TRPM3: variants seen among roughly 807,000 people sequenced by gnomAD.
TRPM3 encodes long transient receptor potential channel 3.
In TRPM3, 77 loss-of-function variants were observed where a neutral mutation model predicts 181.2. The observed-to-expected ratio is 0.42, with a 90% CI of 0.35 to 0.51. The LOEUF is 0.51. Ranked by LOEUF, TRPM3 falls within the 20% of genes least tolerant of loss-of-function variation. The pLI, the probability that TRPM3 is intolerant of heterozygous loss-of-function variation, is 0.01. For missense variants in TRPM3, 1,759 were observed against 2,196.7 expected, an observed-to-expected ratio of 0.80 and a Z score of 3.98; for synonymous variants, 745 against 796.4, an observed-to-expected ratio of 0.94 and a Z score of 1.09.
chr9:70,549,559 T>C lies in TRPM3; in HGVS notation c.3690A>G (p.Ile1230Met). 6.2e-7 allele frequency: 1 copy of C among 1,613,658 alleles called. No individual in the cohort carries two copies. The highest frequency in any genetic ancestry group is 8.5e-7 in the Non-Finnish European group (1 of 1,179,812). The part of the protein sequence containing the change: ...DRFNSSNDER[I>M]RVTSERVENM... The stretch of plus-strand genomic sequence containing the variant: ...GAACACACCTTTCTGAAGTCACCCG[T>C]ATCCTCTCATCATTAGATGAGTTGA... The change falls in exon 25 of 26, where the codon ATA (isoleucine) becomes ATG (methionine). Residue 1230 changes from isoleucine to methionine, a missense_variant. Physicochemically the swap from Ile to Met is conservative, Grantham distance 10 (BLOSUM62 1). Transcript: ENST00000677713.
chr9:70,999,855 T>C (rs1418794096), intron 1 of TRPM3, among the ~76,000 whole-genome samples: 1 of 152,184 alleles, frequency 6.6e-6, no homozygotes, highest in East Asian at 1.9e-4. Flanking sequence ...TTCAGGAGCA[T>C]CTGAAACAAT....
At chr9:71,267,169 C>T (rs1180341098) in intron 1 of TRPM3, among the ~76,000 whole-genome samples, 1 of 152,158 alleles carries the variant, frequency 6.6e-6, no homozygotes, top group African/African-American at 2.4e-5. Flanking sequence ...TTCTCCTTTG[C>T]CTGACTGCTT....
chr9:70,797,752 G>T (rs2087580720), intron 6 of TRPM3, among the ~76,000 whole-genome samples: 1 of 152,150 alleles, frequency 6.6e-6, no homozygotes. Context: ...CTAACGGTTT[G>T]CTCAGCTCTG....
chr9:70,542,000 G>T (rs1405398364), intron 25 of TRPM3, among the ~76,000 whole-genome samples: 2 of 152,076 alleles, frequency 1.3e-5, no homozygotes. Context: ...ACATGTCTGT[G>T]GTCCCAGCTA....
chr9:71,418,290 T>A (rs942531448), intron 1 of TRPM3, among the ~76,000 whole-genome samples: 4 of 151,810 alleles, frequency 2.6e-5, no homozygotes, highest in Non-Finnish European at 5.9e-5. Context: ...TATCAGGGAC[T>A]CACAGAATCT....
At chr9:71,255,925 G>A (rs1447780462) in intron 1 of TRPM3, among the ~76,000 whole-genome samples, 1 of 152,112 alleles carries the variant, frequency 6.6e-6, no homozygotes, top group African/African-American at 2.4e-5. Context: ...TTTCAAAAAT[G>A]AATGATCTAC....
rs73467836 is a variant in TRPM3 at position 70,840,362 on chromosome 9, T to C, written c.801+2641A>G. Among the ~76,000 whole-genome samples the C allele has an allele frequency of 5.1e-3, 778 of 152,280 alleles. 9 individuals are homozygous for C. Among genetic ancestry groups the C allele is most frequent in the African/African-American group, 0.018 (733 of 41,566 alleles). On this transcript the variant is annotated intron_variant, in intron 5 of 25. Coordinates refer to ENST00000677713, the MANE Select transcript of TRPM3 (RefSeq NM_001366145.2). ...ACAACTGTCTTTCCTGTGTTCTCTA[T>C]AACCTGCCACTTTTATTTCCTTTTT...
intron 6 of TRPM3, among the ~76,000 whole-genome samples, chr9:70,792,661 C>CAGAGAGAG (rs9314786): frequency 0.015 from 2,193 of 147,130 alleles, 62 homozygotes; most frequent in African/African-American, 0.051. Context: ...GACAGAAAGA[C>CAGAGAGAG]AGAGAGAGAG....
At chr9:70,868,064 G>A (rs1019704470) in intron 1 of TRPM3, among the ~76,000 whole-genome samples, 3 of 151,996 alleles carry the variant, frequency 2.0e-5, no homozygotes, top group Admixed American at 2.0e-4. Context: ...CAGACATCAT[G>A]TCTTAAAATC....
At chr9:70,770,732 G>A (rs1564203606) in intron 7 of TRPM3, among the ~76,000 whole-genome samples, 1 of 151,988 alleles carries the variant, frequency 6.6e-6, no homozygotes, top group African/African-American at 2.4e-5. Flanking sequence ...ATGTATTTGG[G>A]AAAAAAAGAG....
At chr9:71,328,131 C>A (rs955109522) in intron 1 of TRPM3, among the ~76,000 whole-genome samples, 3 of 151,220 alleles carry the variant, frequency 2.0e-5, no homozygotes, top group African/African-American at 4.9e-5. Context: ...GGGTCTCCAA[C>A]CCCCTGTTTA....
At chr9:71,420,559 G>C (rs1386473782) in intron 1 of TRPM3, among the ~76,000 whole-genome samples, 3 of 133,752 alleles carry the variant, frequency 2.2e-5, no homozygotes, top group African/African-American at 8.2e-5. Context: ...GAAAGAAAGA[G>C]AAAGAAAAAG....
At chr9:70,834,720 G>A (rs909960293) in intron 5 of TRPM3, among the ~76,000 whole-genome samples, 10 of 152,158 alleles carry the variant, frequency 6.6e-5, no homozygotes, top group Non-Finnish European at 1.5e-5. Context: ...CATCTTGGAG[G>A]AGGATACTGC....
chr9:70,750,569 C>T lies in TRPM3; in HGVS notation c.1272+11032G>A, dbSNP rs2075961601. ...AGAGTAATGGCCCTGGTGAAGAAAA[C>T]TGAGGCTCAGAATGAGGATGATGGC... On this transcript the variant is annotated intron_variant, in intron 8 of 25. Transcript: ENST00000677713. 2.6e-5 allele frequency among the ~76,000 whole-genome samples: 4 copies of T among 152,228 alleles called. No homozygotes were observed. The South Asian group carries it at 8.3e-4, about 32-fold the overall frequency.
chr9:71,196,167 A>ATGTGTGTGTGTGTGTG (rs71507026), intron 1 of TRPM3, among the ~76,000 whole-genome samples: 1 of 149,454 alleles, frequency 6.7e-6, no homozygotes, highest in South Asian at 2.1e-4. Context: ...ACACACGTAT[A>ATGTGTGTGTGTGTGTG]TGTGTGTGTG....
intron 3 of TRPM3, among the ~76,000 whole-genome samples, chr9:70,858,032 G>A (rs2095430730): frequency 6.6e-6 from 1 of 152,124 alleles, no homozygotes; most frequent in Admixed American, 6.5e-5. Context: ...CTGCAACATT[G>A]TAATAATGAT....
rs1822947509 is a variant in TRPM3 at position 70,976,437 on chromosome 9, G to C, written c.178-111926C>G. Among the ~76,000 whole-genome samples the C allele has an allele frequency of 2.6e-5, 4 of 152,190 alleles. No individual in the cohort carries two copies. The South Asian group carries it at 8.3e-4, about 31-fold the overall frequency. Reference sequence around the variant, plus strand: ...GGCAGAATGTCCAAAGCATATGCCGGAGTAAAGAGATGCAAAAGAATCCTA... The same window carrying C: ...GGCAGAATGTCCAAAGCATATGCCGCAGTAAAGAGATGCAAAAGAATCCTA... On this transcript the variant is annotated intron_variant, in intron 1 of 25. Transcript: ENST00000677713.
intron 1 of TRPM3, among the ~76,000 whole-genome samples, chr9:71,043,141 C>T (rs750323155): frequency 3.3e-5 from 5 of 152,170 alleles, no homozygotes; most frequent in Non-Finnish European, 5.9e-5. Context: ...TAAGAACGTA[C>T]ACATTTTTGC....
At chr9:70,601,697 C>T (rs1035698592) in intron 20 of TRPM3, among the ~76,000 whole-genome samples, 1 of 152,170 alleles carries the variant, frequency 6.6e-6, no homozygotes, top group Non-Finnish European at 1.5e-5. Context: ...CTATTCTATG[C>T]CTCTTCAGGA....
Sources: gnomAD v4.1 joint callset for allele counts (sites outside exome capture counted in the v4.1 genomes callset) on GRCh38, gnomAD v4.1.1 for gene constraint, MANE v1.5 for transcripts, NCBI Gene and HGNC (gene_info 2026-07-23, HGNC 2026-07-21) for gene names.